Variants in CCDC191 observed in about 807,000 individuals in gnomAD.
The protein encoded by CCDC191 is coiled-coil domain containing 191.
CCDC191 carries 99 observed loss-of-function variants against 114.0 expected under a neutral mutation model. The ratio of observed to expected loss-of-function variants is 0.87; its 90% CI spans 0.74 to 1.03. CCDC191 has a LOEUF of 1.03. CCDC191 is among the 50% of genes least tolerant of loss of function. CCDC191 has a pLI of 0.00. For missense variants in CCDC191, 973 were observed against 1,087.0 expected (o/e 0.90, Z 1.47); for synonymous variants, 351 against 376.0 (o/e 0.93, Z 0.77).
In CCDC191 at chr3:114,004,623, C is replaced by T. The variant is rs766039193; in HGVS notation, c.1978+14G>A. 66 of 1,609,994 alleles carry T rather than the reference C, an allele frequency of 4.1e-5. No individual in the cohort carries two copies. The highest frequency in any genetic ancestry group is 5.0e-5 in the Non-Finnish European group (59 of 1,177,806). ...AGATAACAACCACCAAGGCCACCAC[C>T]GAGACAGCCCTGCCTTTTAGTATGG... is the stretch of plus-strand genomic sequence containing the variant. On this transcript the variant is annotated intron_variant, in intron 11 of 16. Transcript: ENST00000295878.
At chr3:113,982,125 G>A (rs2075175142) in intron 13 of CCDC191, among the ~76,000 whole-genome samples, 1 of 152,198 alleles carries the variant, frequency 6.6e-6, no homozygotes, top group Non-Finnish European at 1.5e-5. Context: ...CCCATGCAGA[G>A]ATAAGTTATG....
chr3:114,035,104 C>G lies in CCDC191; in HGVS notation c.639G>C (p.Gln213His), dbSNP rs1181167736. Residue 213 changes from glutamine to histidine, a missense_variant, in exon 6 of 17, where the codon CAG becomes CAC. Coordinates refer to ENST00000295878, the MANE Select transcript of CCDC191 (RefSeq NM_020817.2). ...ATTTTTTCAGGGTCTTTTCTATTCT[C>G]TGGTACTCCAGTTCTTTCTCACGTC... ...RLRREKELEYQRIEKTLKKSA... is the reference protein window; with the variant it reads ...RLRREKELEYHRIEKTLKKSA... 1 of 1,614,026 alleles carries G rather than the reference C, an allele frequency of 6.2e-7. No homozygotes were observed.
intron 3 of CCDC191, among the ~76,000 whole-genome samples, chr3:114,043,638 C>A (rs59104997): frequency 0.031 from 4,692 of 152,218 alleles, 263 homozygotes; most frequent in African/African-American, 0.11. Flanking sequence ...TGGGAAGCCA[C>A]AGGAGAGATG....
intron 8 of CCDC191, among the ~76,000 whole-genome samples, chr3:114,017,865 TAAAG>T (rs1439678904): frequency 6.6e-6 from 1 of 152,068 alleles, no homozygotes; most frequent in Non-Finnish European, 1.5e-5. Context: ...TTAGAATAAA[TAAAG>T]AAAAACAAAC....
rs565963284 is a variant in CCDC191 at position 114,047,065 on chromosome 3, A to G, written c.130-333T>C. The G allele has an allele frequency of 1.8e-4, 177 of 959,980 alleles. No individual in the cohort carries two copies. In the African/African-American group the frequency reaches 2.9e-3, roughly 16 times the overall value. The allele number at this position is 959,980 out of a possible 1,614,324, so 59.5% of individuals were successfully genotyped here. On this transcript the variant is annotated intron_variant, in intron 2 of 16. Coordinates refer to ENST00000295878, the MANE Select transcript of CCDC191 (RefSeq NM_020817.2). The stretch of plus-strand genomic sequence containing the variant: ...ATGGATATTTTACTTTAAATAAAAA[A>G]TATTATATTTTATTAGTTTTCATGC...
intron 6 of CCDC191, among the ~76,000 whole-genome samples, chr3:114,032,848 T>C (rs1427791613): frequency 6.6e-6 from 1 of 152,162 alleles, no homozygotes; most frequent in Non-Finnish European, 1.5e-5. Flanking sequence ...TAAGATAGCT[T>C]ACAAATAGGT....
Position 114,046,740 on chromosome 3 carries a change from A to G in CCDC191, c.130-8T>C, listed in dbSNP as rs954888319. The G allele has an allele frequency of 6.4e-7, 1 of 1,574,564 alleles. No homozygotes were observed. The highest frequency in any genetic ancestry group is 8.6e-7 in the Non-Finnish European group (1 of 1,161,076). ...TGAGGCTTTCTCCACTCTCTTCAAT[A>G]TAACAGAAAAAAAAATCCATAAAGA... On this transcript the variant is annotated splice_region_variant and splice_polypyrimidine_tract_variant and intron_variant, in intron 2 of 16. Transcript: ENST00000295878.
chr3:113,994,580 C>CTTT (rs35624147), intron 13 of CCDC191, among the ~76,000 whole-genome samples: 2 of 128,912 alleles, frequency 1.6e-5, no homozygotes, highest in Non-Finnish European at 3.3e-5. Context: ...AAACTAAATT[C>CTTT]TTTTTTTTTT....
chr3:113,972,800 TTATA>T (rs1183438837), intron 16 of CCDC191, among the ~76,000 whole-genome samples: 1 of 152,198 alleles, frequency 6.6e-6, no homozygotes, highest in Admixed American at 6.5e-5. Context: ...CTCTTTATCA[TTATA>T]TAATGACCTT....
intron 7 of CCDC191, among the ~76,000 whole-genome samples, chr3:114,027,213 C>T (rs1159512099): frequency 6.6e-6 from 1 of 152,190 alleles, no homozygotes; most frequent in East Asian, 1.9e-4. Context: ...AATAGTGCTG[C>T]ATCTGAACTT....
chr3:114,032,335 T>C (rs1476249962), intron 6 of CCDC191, among the ~76,000 whole-genome samples: 3 of 152,192 alleles, frequency 2.0e-5, no homozygotes, highest in Non-Finnish European at 4.4e-5. Context: ...AGAATTATTT[T>C]AGTAACTTTG....
chr3:113,967,381 CTT>C (rs1382099704), intron 16 of CCDC191, among the ~76,000 whole-genome samples: 1 of 115,344 alleles, frequency 8.7e-6, no homozygotes, highest in African/African-American at 2.9e-5. Flanking sequence ...CTACATTTCT[CTT>C]TCTTTCCCTA....
intron 13 of CCDC191, 25 bp from the exon 14 acceptor site, chr3:113,980,818 G>T: frequency 6.3e-7 from 1 of 1,582,130 alleles, no homozygotes. Context: ...AAAGCAAAAT[G>T]CTATGATCAA....
At chr3:114,013,300 G>A (rs1222088662) in intron 8 of CCDC191, among the ~76,000 whole-genome samples, 1 of 152,042 alleles carries the variant, frequency 6.6e-6, no homozygotes, top group East Asian at 1.9e-4. Flanking sequence ...TACGATATCT[G>A]TATTTGTGGT....
chr3:114,013,237 C>A (rs1324702010), intron 8 of CCDC191, among the ~76,000 whole-genome samples: 2 of 151,118 alleles, frequency 1.3e-5, no homozygotes, highest in Non-Finnish European at 2.9e-5. Flanking sequence ...CAGAGTGAGA[C>A]CCTGTGTCAA....
intron 6 of CCDC191, among the ~76,000 whole-genome samples, chr3:114,032,989 A>G (rs1350457714): frequency 5.3e-5 from 8 of 152,232 alleles, no homozygotes; most frequent in Admixed American, 5.2e-4. Context: ...ATACCATGAA[A>G]CTGATTTTTT....
intron 7 of CCDC191, among the ~76,000 whole-genome samples, chr3:114,026,255 C>T (rs2076319443): frequency 6.6e-6 from 1 of 152,194 alleles, no homozygotes; most frequent in East Asian, 1.9e-4. Context: ...GGGTTACTTA[C>T]AGGGTCAGGA....
At chr3:114,029,884 A>G (rs901589174) in intron 7 of CCDC191, among the ~76,000 whole-genome samples, 3 of 152,236 alleles carry the variant, frequency 2.0e-5, no homozygotes, top group African/African-American at 7.2e-5. Flanking sequence ...AGACACGGAA[A>G]GACTAAAGAA....
At chr3:113,973,223 G>C (rs1372902559) in intron 16 of CCDC191, among the ~76,000 whole-genome samples, 1 of 152,000 alleles carries the variant, frequency 6.6e-6, no homozygotes, top group Non-Finnish European at 1.5e-5. Flanking sequence ...CCAACATTTT[G>C]ACTTTTTCTT....
Sources: allele counts gnomAD v4.1 joint callset (sites outside exome capture counted in the v4.1 genomes callset), GRCh38; gene constraint gnomAD v4.1.1; transcripts MANE v1.5; gene names NCBI Gene and HGNC (gene_info 2026-07-23, HGNC 2026-07-21).